ARMC3: variants seen among roughly 807,000 people sequenced by gnomAD.
ARMC3 encodes the protein armadillo repeat containing 3.
In ARMC3, 74 loss-of-function variants were observed where a neutral mutation model predicts 90.3. The observed-to-expected ratio is 0.82, with a 90% CI of 0.68 to 0.99. The LOEUF (loss-of-function observed/expected upper bound fraction) is 0.99. ARMC3 is among the 50% of genes least tolerant of loss of function. The pLI, the probability that ARMC3 is intolerant of heterozygous loss-of-function variation, is 0.00. For missense variants in ARMC3, 958 were observed against 1,042.8 expected, an observed-to-expected ratio of 0.92 and a Z score of 1.12; for synonymous variants, 334 against 361.8, an observed-to-expected ratio of 0.92 and a Z score of 0.87.
chr10:22,952,139 A>G (rs1306496198), intron 3 of ARMC3, among the ~76,000 whole-genome samples: 1 of 152,120 alleles, frequency 6.6e-6, no homozygotes, highest in East Asian at 1.9e-4. Flanking sequence ...AAAAACAAAA[A>G]ACAAACAAAA....
intron 10 of ARMC3, among the ~76,000 whole-genome samples, chr10:22,988,207 G>A (rs79756888): frequency 6.6e-6 from 1 of 152,166 alleles, no homozygotes; most frequent in Non-Finnish European, 1.5e-5. Flanking sequence ...ATTATTCATG[G>A]AGTATCATGC....
At chr10:23,014,181 T>C (rs1438275194) in intron 16 of ARMC3, 24 of 1,548,754 alleles carry the variant, frequency 1.5e-5, no homozygotes, top group Non-Finnish European at 2.0e-5. Flanking sequence ...ACAGAGACTT[T>C]GGATTCAGAC....
At position 22,968,350 on chromosome 10, in the gene ARMC3, T is replaced by G. The variant is rs367833986; in HGVS notation, c.777T>G (p.Asn259Lys). ...TAGAAGCACTTGCAGTGATAGCCAA[T>G]TGCCTTGAAGACATGGATACTATGG... ...LHIEALAVIA[N>K]CLEDMDTMVQ... is the part of the protein sequence containing the mutation. The change falls in exon 8 of 19, where the codon AAT (asparagine) becomes AAG (lysine). Residue 259 changes from asparagine (N) to lysine (K), a missense_variant. Transcript: ENST00000298032. 65 of 1,613,984 alleles carry G rather than the reference T, an allele frequency of 4.0e-5. No individual in the cohort carries two copies. The highest frequency in any genetic ancestry group is 5.1e-5 in the Non-Finnish European group (60 of 1,179,982).
At chr10:22,975,093 T>G (rs1314885888) in intron 8 of ARMC3, among the ~76,000 whole-genome samples, 4 of 152,238 alleles carry the variant, frequency 2.6e-5, no homozygotes, top group Non-Finnish European at 5.9e-5. Flanking sequence ...GATTCATTTC[T>G]CAAATTAACC....
intron 8 of ARMC3, among the ~76,000 whole-genome samples, chr10:22,978,967 T>C (rs898097406): frequency 6.6e-6 from 1 of 152,222 alleles, no homozygotes; most frequent in African/African-American, 2.4e-5. Context: ...GAGTAAACTT[T>C]TAACATGCAT....
Position 23,037,428 on chromosome 10 carries a change from T to G in ARMC3, c.2568T>G (p.Gly856=), listed in dbSNP as rs1342537321. Residue 856 remains glycine, a synonymous_variant, in exon 19 of 19, where the codon GGT becomes GGG. Coordinates refer to ENST00000298032, the MANE Select transcript of ARMC3 (RefSeq NM_173081.5). ...MYVIDLMFHP[G]GLMKLRSREA... The stretch of plus-strand genomic sequence containing the variant: ...TGATTGACCTCATGTTCCATCCAGG[T>G]GGACTGATGAAGTTGAGAAGTCGAG... 1 of 1,614,072 alleles carries G rather than the reference T, an allele frequency of 6.2e-7. No individual in the cohort carries two copies. The highest frequency in any genetic ancestry group is 1.7e-5 in the Admixed American group (1 of 60,022).
Position 22,968,298 on chromosome 10 carries a change from A to G in ARMC3, c.733-8A>G, listed in dbSNP as rs771261391. 10 of 1,611,284 alleles carry G rather than the reference A, an allele frequency of 6.2e-6. No homozygotes were observed. Among genetic ancestry groups the G allele is most frequent in the Middle Eastern group, 1.7e-4 (1 of 6,048 alleles). On this transcript the variant is annotated splice_region_variant and splice_polypyrimidine_tract_variant and intron_variant, in intron 7 of 18. Coordinates refer to ENST00000298032, the MANE Select transcript of ARMC3 (RefSeq NM_173081.5). ...ACTTTCTAAAGTTGTATTTGCTTTTATTATTAGGAATTGAATGACCTTCAT... is the reference window on the plus strand; with the variant it reads ...ACTTTCTAAAGTTGTATTTGCTTTTGTTATTAGGAATTGAATGACCTTCAT...
At chr10:23,025,686 C>T (rs1476465609) in intron 16 of ARMC3, among the ~76,000 whole-genome samples, 4 of 151,522 alleles carry the variant, frequency 2.6e-5, no homozygotes, top group African/African-American at 9.7e-5. Flanking sequence ...CCTCAAGAAA[C>T]TAGAAAAAGG....
chr10:23,034,696 G>A (rs7358042), intron 18 of ARMC3, among the ~76,000 whole-genome samples: 2,112 of 152,230 alleles, frequency 0.014, 52 homozygotes, highest in African/African-American at 0.048. Context: ...AAGGACGTTA[G>A]TGATCTCCCT....
At chr10:22,950,042 G>A (rs577206863) in intron 3 of ARMC3, among the ~76,000 whole-genome samples, 8 of 151,476 alleles carry the variant, frequency 5.3e-5, no homozygotes. Context: ...CCAGAAAAAA[G>A]GTCTTTCAAA....
At chr10:22,966,032 T>C (rs545389779) in intron 7 of ARMC3, among the ~76,000 whole-genome samples, 1 of 152,358 alleles carries the variant, frequency 6.6e-6, no homozygotes, top group Admixed American at 6.5e-5. Flanking sequence ...AGAATGAGCA[T>C]TGTAGATAAT....
At chr10:23,025,282 C>T (rs903028321) in intron 16 of ARMC3, among the ~76,000 whole-genome samples, 1 of 151,864 alleles carries the variant, frequency 6.6e-6, no homozygotes, top group Non-Finnish European at 1.5e-5. Flanking sequence ...TAGAACACTC[C>T]AACAATAACA....
chr10:23,005,433 T>G lies in ARMC3; in HGVS notation c.1732-1451T>G, dbSNP rs576705799. ...CTGATTCATTCAGTAAATATTGTTA[T>G]AAGTTTCGGATATTGGAGGCTGTGA... On this transcript the variant is annotated intron_variant, in intron 13 of 18. Coordinates refer to ENST00000298032, the MANE Select transcript of ARMC3 (RefSeq NM_173081.5). Among the ~76,000 whole-genome samples, 26 of 152,314 alleles carry G rather than the reference T, an allele frequency of 1.7e-4. No individual in the cohort carries two copies. The South Asian group carries it at 5.4e-3, about 32-fold the overall frequency.
chr10:22,958,371 T>A (rs969980361), intron 4 of ARMC3, among the ~76,000 whole-genome samples: 3 of 152,198 alleles, frequency 2.0e-5, no homozygotes, highest in Non-Finnish European at 4.4e-5. Context: ...TAATCTTACT[T>A]GCATTCTGTA....
chr10:22,996,935 T>TA (rs986063048), intron 10 of ARMC3, among the ~76,000 whole-genome samples: 4 of 151,178 alleles, frequency 2.6e-5, no homozygotes, highest in African/African-American at 7.3e-5. Flanking sequence ...TTTTTTTTTT[T>TA]AATTTTGGTT....
At position 22,947,520 on chromosome 10, in the gene ARMC3, C is replaced by T. The variant is rs184479848; in HGVS notation, c.166+1259C>T. On this transcript the variant is annotated intron_variant, in intron 3 of 18. Coordinates refer to ENST00000298032, the MANE Select transcript of ARMC3 (RefSeq NM_173081.5). ...TACAAAATACCTAGCCAATGCTCCT[C>T]AAAACTGTCATGGCTATCTACAACA... Among the ~76,000 whole-genome samples the T allele has an allele frequency of 1.7e-3, 259 of 152,266 alleles. 1 individual carries two copies. Among genetic ancestry groups the T allele is most frequent in the African/African-American group, 5.9e-3 (244 of 41,538 alleles).
chr10:22,941,212 A>C (rs544361950), intron 2 of ARMC3, among the ~76,000 whole-genome samples: 22 of 152,186 alleles, frequency 1.4e-4, no homozygotes, highest in Non-Finnish European at 3.2e-4. Flanking sequence ...AATCAACTGC[A>C]ATGAGGCAGG....
intron 16 of ARMC3, among the ~76,000 whole-genome samples, chr10:23,014,909 A>AC: frequency 6.6e-6 from 1 of 150,940 alleles, no homozygotes; most frequent in African/African-American, 2.4e-5. Flanking sequence ...AAAAAAAAAA[A>AC]CCCCATGACA....
rs373586128 is a variant in ARMC3, at chr10:22,977,683, C to G, written c.917-3657C>G. 3.3e-5 allele frequency among the ~76,000 whole-genome samples: 5 copies of G among 152,250 alleles called. No individual in the cohort carries two copies. In the South Asian group the frequency reaches 8.3e-4, roughly 25 times the overall value. On this transcript the variant is annotated intron_variant, in intron 8 of 18. Transcript: ENST00000298032. ...CTCTACAAAAACTGAAAAAGTATGC[C>G]AGGTAGGTCTTCAAATTCAGTGAAT...
Sources: allele counts gnomAD v4.1 joint callset (sites outside exome capture counted in the v4.1 genomes callset), GRCh38; gene constraint gnomAD v4.1.1; transcripts MANE v1.5; gene names NCBI Gene and HGNC (gene_info 2026-07-23, HGNC 2026-07-21).